FNDC3B: variants seen among roughly 807,000 people sequenced by gnomAD.
The protein encoded by FNDC3B is fibronectin type III domain-containing protein 3B.
Under a neutral mutation model 151.5 loss-of-function variants are expected in FNDC3B, and 12 were observed. That is an observed-to-expected ratio of 0.08 (90% CI 0.05 to 0.13). The LOEUF (loss-of-function observed/expected upper bound fraction) is 0.13, where lower values mean the gene tolerates loss of function less well. FNDC3B is among the 10% of genes least tolerant of loss of function. The pLI is 1.00. For missense variants in FNDC3B, 1,214 were observed against 1,505.3 expected (o/e 0.81, Z 3.20); for synonymous variants, 528 against 549.0 (o/e 0.96, Z 0.54).
chr3:172,065,320 A>G (rs1243905597), intron 1 of FNDC3B, among the ~76,000 whole-genome samples: 3 of 152,220 alleles, frequency 2.0e-5, no homozygotes, highest in Admixed American at 1.3e-4. Flanking sequence ...TGACAGAGCT[A>G]GACTCCGACT....
chr3:172,190,711 C>T (rs1324112571), intron 3 of FNDC3B, among the ~76,000 whole-genome samples: 1 of 152,096 alleles, frequency 6.6e-6, no homozygotes, highest in Non-Finnish European at 1.5e-5. Flanking sequence ...TCTTATTGCC[C>T]AGGCTGGAGT....
At chr3:172,160,989 A>G (rs1722737587) in intron 3 of FNDC3B, among the ~76,000 whole-genome samples, 1 of 152,224 alleles carries the variant, frequency 6.6e-6, no homozygotes, top group East Asian at 1.9e-4. Context: ...AAGATTACCA[A>G]AAAAGGAGGG....
chr3:172,167,768 C>A (rs1723078574), intron 3 of FNDC3B, among the ~76,000 whole-genome samples: 1 of 152,186 alleles, frequency 6.6e-6, no homozygotes, highest in African/African-American at 2.4e-5. Flanking sequence ...GCATTAGACT[C>A]TCATAGGAGC....
intron 23 of FNDC3B, among the ~76,000 whole-genome samples, chr3:172,376,826 G>A (rs1019102934): frequency 6.9e-6 from 1 of 145,674 alleles, no homozygotes; most frequent in Non-Finnish European, 1.5e-5. Flanking sequence ...TTTAAAGTAA[G>A]CATTGACTCT....
intron 2 of FNDC3B, among the ~76,000 whole-genome samples, chr3:172,120,728 CTT>C (rs974542504): frequency 1.3e-5 from 2 of 152,056 alleles, no homozygotes; most frequent in African/African-American, 4.8e-5. Flanking sequence ...AATCCCAGCA[CTT>C]TTGGGAGGCC....
At chr3:172,165,034 A>T (rs1344298360) in intron 3 of FNDC3B, among the ~76,000 whole-genome samples, 1 of 152,212 alleles carries the variant, frequency 6.6e-6, no homozygotes, top group Non-Finnish European at 1.5e-5. Flanking sequence ...TTGTTTGGAC[A>T]TAGAGGTTTT....
intron 11 of FNDC3B, among the ~76,000 whole-genome samples, chr3:172,320,271 T>C (rs1193944395): frequency 6.6e-6 from 1 of 151,952 alleles, no homozygotes; most frequent in Non-Finnish European, 1.5e-5. Context: ...TCCCAGTTGC[T>C]TGGGAGGCTG....
intron 4 of FNDC3B, among the ~76,000 whole-genome samples, chr3:172,232,249 C>G (rs1439337706): frequency 1.3e-5 from 2 of 152,112 alleles, no homozygotes; most frequent in African/African-American, 4.8e-5. Context: ...GGTAATAACT[C>G]TAATCTGATT....
At chr3:172,312,307 G>T (rs921427799) in intron 11 of FNDC3B, among the ~76,000 whole-genome samples, 1 of 152,190 alleles carries the variant, frequency 6.6e-6, no homozygotes, top group East Asian at 1.9e-4. Flanking sequence ...TGTACATGCA[G>T]GTTGGTAAAA....
chr3:172,150,645 C>T (rs759643670), intron 3 of FNDC3B, among the ~76,000 whole-genome samples: 3 of 151,702 alleles, frequency 2.0e-5, no homozygotes, highest in Non-Finnish European at 4.4e-5. Context: ...ATAACACCAC[C>T]GATTAAGTTG....
chr3:172,041,639 G>C (rs558097651), intron 1 of FNDC3B, among the ~76,000 whole-genome samples: 1 of 151,830 alleles, frequency 6.6e-6, no homozygotes, highest in Admixed American at 6.6e-5. Context: ...TGAGGCCTCA[G>C]GCCTTGGGCA....
At chr3:172,299,092 A>G (rs545696313) in intron 9 of FNDC3B, among the ~76,000 whole-genome samples, 1 of 152,368 alleles carries the variant, frequency 6.6e-6, no homozygotes, top group African/African-American at 2.4e-5. Context: ...AAAACAAATG[A>G]AACTTTTGTC....
intron 1 of FNDC3B, among the ~76,000 whole-genome samples, chr3:172,043,177 A>G (rs375836747): frequency 6.6e-6 from 1 of 152,168 alleles, no homozygotes; most frequent in African/African-American, 2.4e-5. Flanking sequence ...TCGGGCTCCC[A>G]GAGTGCTGGA....
chr3:172,323,008 G>C (rs1025441903), intron 11 of FNDC3B, among the ~76,000 whole-genome samples: 1 of 149,420 alleles, frequency 6.7e-6, no homozygotes, highest in Non-Finnish European at 1.5e-5. Context: ...ACTCATGATA[G>C]TGCAGCAAAG....
chr3:172,269,441 T>A (rs1244737441), intron 6 of FNDC3B, among the ~76,000 whole-genome samples: 1 of 151,882 alleles, frequency 6.6e-6, no homozygotes, highest in South Asian at 2.1e-4. Flanking sequence ...AAAAATTTTT[T>A]TTTTTTTTTT....
chr3:172,083,938 C>G (rs995897320), intron 1 of FNDC3B, among the ~76,000 whole-genome samples: 2 of 151,878 alleles, frequency 1.3e-5, no homozygotes, highest in Admixed American at 6.6e-5. Flanking sequence ...GTTTATTTTT[C>G]TTTTTAATTG....
chr3:172,206,359 A>G (rs1481896715), intron 3 of FNDC3B, among the ~76,000 whole-genome samples: 1 of 152,186 alleles, frequency 6.6e-6, no homozygotes, highest in African/African-American at 2.4e-5. Flanking sequence ...TCCTATCTCA[A>G]AGAAAGTGTA....
chr3:172,231,781 C>T (rs1726902601), intron 4 of FNDC3B, among the ~76,000 whole-genome samples: 1 of 151,254 alleles, frequency 6.6e-6, no homozygotes, highest in South Asian at 2.1e-4. Context: ...ATTTTTATTG[C>T]TTTCTGGCAG....
At chr3:172,236,073 G>T (rs1244088721) in intron 4 of FNDC3B, among the ~76,000 whole-genome samples, 1 of 152,188 alleles carries the variant, frequency 6.6e-6, no homozygotes, top group East Asian at 1.9e-4. Context: ...CTAACAGAAA[G>T]CCTGTCCCCT....
Sources: gnomAD v4.1 joint callset for allele counts (sites outside exome capture counted in the v4.1 genomes callset) on GRCh38, gnomAD v4.1.1 for gene constraint, MANE v1.5 for transcripts, NCBI Gene and HGNC (gene_info 2026-07-23, HGNC 2026-07-21) for gene names.